The following TRAF3 variants were observed in gnomAD, a reference collection of about 807,000 sequenced individuals.
TRAF3 encodes TNF receptor-associated factor 3.
Under a neutral mutation model 62.3 loss-of-function variants are expected in TRAF3, and 13 were observed. The ratio of observed to expected loss-of-function variants is 0.21; its 90% CI spans 0.14 to 0.33. The LOEUF is 0.33. Among genes scored for constraint, TRAF3 ranks in the 10% least tolerant of loss-of-function variants. The pLI, the probability that TRAF3 is intolerant of heterozygous loss-of-function variation, is 1.00. For missense variants in TRAF3, 440 were observed against 741.8 expected (o/e 0.59, Z 4.73); for synonymous variants, 269 against 283.4 (o/e 0.95, Z 0.51).
At chr14:102,902,946 C>T (rs1418574449) in intron 10 of TRAF3, 2 of 421,718 alleles carry the variant, frequency 4.7e-6, no homozygotes, top group Non-Finnish European at 4.4e-6. Flanking sequence ...CACTTGCCAC[C>T]TGTCACTTTG....
At chr14:102,857,509 A>T (rs1214800654) in intron 2 of TRAF3, among the ~76,000 whole-genome samples, 4 of 152,232 alleles carry the variant, frequency 2.6e-5, no homozygotes, top group African/African-American at 9.6e-5. Flanking sequence ...AGCTTAGATA[A>T]GACTTTTTGT....
Position 102,811,550 on chromosome 14 carries a change from G to GTTT in TRAF3, c.-156-18762_-156-18760dup, listed in dbSNP as rs35064640. 2.6e-3 allele frequency among the ~76,000 whole-genome samples: 204 copies of GTTT among 79,446 alleles called. 1 individual carries two copies. Among genetic ancestry groups the GTTT allele is most frequent in the Non-Finnish European group, 3.6e-3 (156 of 43,182 alleles). 52.1% of individuals were successfully genotyped at this position (79,446 alleles called of 152,430 possible). A position where few individuals can be genotyped will look rare whatever the true frequency, so the allele number is the denominator to read the frequency against. The stretch of plus-strand genomic sequence containing the variant: ...CAAGGAGCTGTTTGCGCTGTAGGCG[G>GTTT]TTTTTTTTTTTTTTTTTTTTTTTTG... On this transcript the variant is annotated intron_variant, in intron 1 of 11. Transcript: ENST00000392745.
Position 102,891,320 on chromosome 14 carries a change from C to A in TRAF3, c.727-5C>A. The A allele has an allele frequency of 6.2e-7, 1 of 1,612,352 alleles. No individual in the cohort carries two copies. Among genetic ancestry groups the A allele is most frequent in the South Asian group, 1.1e-5 (1 of 90,850 alleles). On this transcript the variant is annotated splice_polypyrimidine_tract_variant and splice_region_variant and intron_variant, in intron 8 of 11. Coordinates refer to ENST00000392745, the MANE Select transcript of TRAF3 (RefSeq NM_145725.3). ...GCTGAATGCCTCACATGTTTGCTCT[C>A]GCAGGGGACAAACCAGCAGATCAAG...
chr14:102,829,823 G>A (rs970711809), intron 1 of TRAF3, among the ~76,000 whole-genome samples: 2 of 152,104 alleles, frequency 1.3e-5, no homozygotes, highest in Non-Finnish European at 2.9e-5. Flanking sequence ...TCTGTTTGCT[G>A]TTTGTTAGAA....
chr14:102,861,637 G>A (rs554233008), intron 2 of TRAF3, among the ~76,000 whole-genome samples: 15 of 152,222 alleles, frequency 9.9e-5, no homozygotes, highest in African/African-American at 3.1e-4. Flanking sequence ...AGATGTTACC[G>A]GAAAGGGGTC....
At chr14:102,848,825 G>T (rs1433412073) in intron 2 of TRAF3, among the ~76,000 whole-genome samples, 1 of 152,156 alleles carries the variant, frequency 6.6e-6, no homozygotes. Context: ...ATGTTCTTCT[G>T]CCTGTGGGTG....
intron 1 of TRAF3, among the ~76,000 whole-genome samples, chr14:102,781,857 A>G (rs552586709): frequency 6.7e-6 from 1 of 148,618 alleles, no homozygotes; most frequent in South Asian, 2.1e-4. Context: ...CAGTGGCGCG[A>G]TCTCAGCTCA....
intron 8 of TRAF3, among the ~76,000 whole-genome samples, chr14:102,889,929 G>A (rs924883469): frequency 1.1e-4 from 16 of 152,206 alleles, no homozygotes; most frequent in Non-Finnish European, 1.9e-4. Flanking sequence ...CATTTGGTGG[G>A]GTTTTCAGAT....
At chr14:102,891,724 C>T (rs1263310557) in intron 9 of TRAF3, among the ~76,000 whole-genome samples, 2 of 151,164 alleles carry the variant, frequency 1.3e-5, no homozygotes, top group Non-Finnish European at 2.9e-5. Flanking sequence ...TTTTTGTAAA[C>T]AAAGTTTTAT....
At chr14:102,779,842 G>T (rs1220298060) in intron 1 of TRAF3, among the ~76,000 whole-genome samples, 1 of 152,216 alleles carries the variant, frequency 6.6e-6, no homozygotes, top group African/African-American at 2.4e-5. Context: ...CAAACAGCAA[G>T]TGATCTAACC....
intron 6 of TRAF3, among the ~76,000 whole-genome samples, chr14:102,879,158 C>T (rs1445664717): frequency 6.6e-6 from 1 of 151,988 alleles, no homozygotes; most frequent in Non-Finnish European, 1.5e-5. Context: ...CTGGGCACAC[C>T]CTCAGAGGCT....
rs960210245 is a variant in TRAF3 at position 102,866,948 on chromosome 14, C to T, written c.-17-3237C>T. On this transcript the variant is annotated intron_variant, in intron 2 of 11. Transcript: ENST00000392745. ...TTTCACGGAAGAGAAAACAAGTGGC[C>T]TCTCAGCATATGAAAAGATGCCAAA... Among the ~76,000 whole-genome samples, 6 of 152,018 alleles carry T rather than the reference C, an allele frequency of 3.9e-5. 1 individual carries two copies. The highest frequency in any genetic ancestry group is 9.7e-5 in the African/African-American group (4 of 41,424).
intron 6 of TRAF3, among the ~76,000 whole-genome samples, chr14:102,880,851 G>A (rs1889009726): frequency 6.6e-6 from 1 of 152,210 alleles, no homozygotes; most frequent in South Asian, 2.1e-4. Flanking sequence ...GCCGAGGTGG[G>A]CAGATCACCT....
intron 9 of TRAF3, 53 bp from the exon 10 acceptor site, chr14:102,897,208 A>G (rs1890050353): frequency 1.3e-6 from 2 of 1,520,416 alleles, no homozygotes; most frequent in East Asian, 4.6e-5. Context: ...TATTGTTGTT[A>G]ATTAATATGA....
At position 102,836,738 on chromosome 14, in the gene TRAF3, C is replaced by T. The variant is rs889572000; in HGVS notation, c.-18+6266C>T. ...GAATATTACAATCAAAGAAGTGTTA[C>T]ACTACATATCTTAAACTTTTAACAT... On this transcript the variant is annotated intron_variant, in intron 2 of 11. Transcript: ENST00000392745. Among the ~76,000 whole-genome samples the T allele has an allele frequency of 2.6e-5, 4 of 152,184 alleles. 1 individual carries two copies. Among genetic ancestry groups the T allele is most frequent in the African/African-American group, 9.7e-5 (4 of 41,422 alleles).
At chr14:102,874,348 C>G (rs1261757321) in intron 4 of TRAF3, among the ~76,000 whole-genome samples, 1 of 152,170 alleles carries the variant, frequency 6.6e-6, no homozygotes, top group Non-Finnish European at 1.5e-5. Flanking sequence ...CCTCCTCCTC[C>G]CGGGTTCAAG....
intron 1 of TRAF3, among the ~76,000 whole-genome samples, chr14:102,813,392 A>G (rs1439331688): frequency 6.6e-6 from 1 of 150,814 alleles, no homozygotes; most frequent in African/African-American, 2.4e-5. Context: ...GGCCATTTGT[A>G]TGTCTTTTGA....
intron 1 of TRAF3, among the ~76,000 whole-genome samples, chr14:102,824,145 T>G (rs1015237124): frequency 4.6e-5 from 7 of 152,268 alleles, no homozygotes; most frequent in South Asian, 2.1e-4. Context: ...TTTTGCTGCT[T>G]CTTTTACCTA....
chr14:102,898,253 A>T (rs1034456908), intron 10 of TRAF3, among the ~76,000 whole-genome samples: 1 of 152,262 alleles, frequency 6.6e-6, no homozygotes, highest in Non-Finnish European at 1.5e-5. Flanking sequence ...TTATTAAATT[A>T]ATTTCATTTT....
Sources: allele counts gnomAD v4.1 joint callset (sites outside exome capture counted in the v4.1 genomes callset), GRCh38; gene constraint gnomAD v4.1.1; transcripts MANE v1.5; gene names NCBI Gene and HGNC (gene_info 2026-07-23, HGNC 2026-07-21).